Variants in TSPAN9 observed in about 807,000 individuals in gnomAD.
The protein encoded by TSPAN9 is tetraspanin-9.
TSPAN9 carries 16 observed loss-of-function variants against 31.0 expected under a neutral mutation model. The observed-to-expected ratio is 0.52, with a 90% CI of 0.35 to 0.78. The LOEUF (loss-of-function observed/expected upper bound fraction) is 0.78, where lower values mean the gene tolerates loss of function less well. Ranked by LOEUF, TSPAN9 falls within the 30% of genes least tolerant of loss-of-function variation. TSPAN9 has a pLI of 0.01. For synonymous variants in TSPAN9, 145 were observed against 121.6 expected (o/e 1.19, Z -1.27); for missense variants, 272 against 312.5 (o/e 0.87, Z 0.98).
At chr12:3,196,208 C>T (rs530656526) in intron 2 of TSPAN9, among the ~76,000 whole-genome samples, 1 of 152,170 alleles carries the variant, frequency 6.6e-6, no homozygotes, top group Non-Finnish European at 1.5e-5. Context: ...CCACCTTCCC[C>T]CTAAGATAGG....
chr12:3,201,072 G>C, intron 2 of TSPAN9, 105 bp from the exon 3 acceptor site: 2 of 1,119,372 alleles, frequency 1.8e-6, no homozygotes, highest in Non-Finnish European at 2.6e-6. Flanking sequence ...GGCTCCCGGG[G>C]CCAGAGCCGC....
intron 2 of TSPAN9, among the ~76,000 whole-genome samples, chr12:3,159,132 T>C (rs1040859452): frequency 1.3e-5 from 2 of 151,818 alleles, no homozygotes; most frequent in Non-Finnish European, 2.9e-5. Flanking sequence ...AAGTTTAAAG[T>C]TCTCTTACTT....
intron 2 of TSPAN9, among the ~76,000 whole-genome samples, chr12:3,095,248 GAA>G (rs1165219977): frequency 7.4e-6 from 1 of 135,540 alleles, no homozygotes; most frequent in Non-Finnish European, 1.6e-5. Context: ...AGAACAAAAT[GAA>G]AAGTCTCCCA....
At position 3,124,455 on chromosome 12, in the gene TSPAN9, GT is replaced by G. The variant is rs753705188; in HGVS notation, c.-18+40740del. 3.3e-5 allele frequency among the ~76,000 whole-genome samples: 5 copies of G among 151,144 alleles called. No homozygotes were observed. The East Asian group carries it at 9.7e-4, about 29-fold the overall frequency. ...ACATTCTTTTTTTTTTTTGGATGGA[GT>G]TTTGCTCTTGTTGCCCAGGCTGGAG... On this transcript the variant is annotated intron_variant, in intron 2 of 8. Coordinates refer to ENST00000011898, the MANE Select transcript of TSPAN9 (RefSeq NM_006675.5).
At chr12:3,177,685 A>C (rs146174250) in intron 2 of TSPAN9, among the ~76,000 whole-genome samples, 6,209 of 152,262 alleles carry the variant, frequency 0.041, 402 homozygotes, top group African/African-American at 0.14. Flanking sequence ...TGCCTGCCTC[A>C]GCCTCCCAAA....
chr12:3,095,399 C>T (rs1392700818), intron 2 of TSPAN9, among the ~76,000 whole-genome samples: 3 of 150,198 alleles, frequency 2.0e-5, no homozygotes, highest in African/African-American at 4.9e-5. Flanking sequence ...ACCTCCCAGA[C>T]GGGGTGGTGG....
chr12:3,153,017 G>T (rs532523680), intron 2 of TSPAN9, among the ~76,000 whole-genome samples: 2 of 152,362 alleles, frequency 1.3e-5, no homozygotes, highest in East Asian at 3.9e-4. Flanking sequence ...TGCTCAGTGC[G>T]AACGCTGAGC....
chr12:3,177,046 G>A (rs889164238), intron 2 of TSPAN9, among the ~76,000 whole-genome samples: 5 of 152,178 alleles, frequency 3.3e-5, no homozygotes, highest in African/African-American at 1.2e-4. Context: ...GGGAGGTGGT[G>A]GGACCCCCAG....
At chr12:3,137,226 G>A (rs1294625833) in intron 2 of TSPAN9, among the ~76,000 whole-genome samples, 1 of 152,206 alleles carries the variant, frequency 6.6e-6, no homozygotes, top group African/African-American at 2.4e-5. Flanking sequence ...ACCCTCTCTG[G>A]GGTGTGGACA....
intron 2 of TSPAN9, among the ~76,000 whole-genome samples, chr12:3,146,300 G>T (rs1271121374): frequency 6.6e-6 from 1 of 152,334 alleles, no homozygotes; most frequent in East Asian, 1.9e-4. Context: ...CTTCCCCTGG[G>T]TGTCTCAAGG....
At chr12:3,080,682 T>C (rs746354554) in intron 1 of TSPAN9, among the ~76,000 whole-genome samples, 1 of 152,216 alleles carries the variant, frequency 6.6e-6, no homozygotes, top group Non-Finnish European at 1.5e-5. Context: ...AAATGTACAG[T>C]TCAGTAGCAT....
At position 3,279,056 on chromosome 12, in the gene TSPAN9, A is replaced by T. The variant is rs747986348; in HGVS notation, c.320A>T (p.Tyr107Phe). The change falls in exon 5 of 9, where the codon TAC becomes TTC. Residue 107 changes from tyrosine (Y) to phenylalanine (F), a missense_variant. Tyr to Phe is a conservative substitution (Grantham distance 22, BLOSUM62 3). Coordinates refer to ENST00000011898, the MANE Select transcript of TSPAN9 (RefSeq NM_006675.5). ...ATCTTACTCATCCTCTTCTTTGTCT[A>T]CATGGACAAGGTAAGCCTTACCAGA... The part of the protein sequence containing the change: ...ELILLILFFV[Y>F]MDKVNENAKK... 34 of 1,614,030 alleles carry T rather than the reference A, an allele frequency of 2.1e-5. No homozygotes were observed. The South Asian group carries it at 3.4e-4, about 16-fold the overall frequency.
Position 3,170,814 on chromosome 12 carries a change from C to T in TSPAN9, c.-17-30363C>T, listed in dbSNP as rs1334199396. 6.6e-6 allele frequency among the ~76,000 whole-genome samples: 1 copy of T among 152,182 alleles called. No individual in the cohort carries two copies. The highest frequency in any genetic ancestry group is 1.5e-5 in the Non-Finnish European group (1 of 68,034). On this transcript the variant is annotated intron_variant, in intron 2 of 8. Transcript: ENST00000011898. The surrounding 1 kb of genome is among the most constrained non-coding windows in gnomAD (Gnocchi z 4.4). Reference sequence around the variant, plus strand: ...CTGAGGCTTCGAGGTCCACCATCACCTCGTTTTCTGCCGGGCAGGGACTCC... The same window carrying T: ...CTGAGGCTTCGAGGTCCACCATCACTTCGTTTTCTGCCGGGCAGGGACTCC...
chr12:3,207,740 C>T (rs1266889290), intron 3 of TSPAN9, among the ~76,000 whole-genome samples: 3 of 151,970 alleles, frequency 2.0e-5, no homozygotes, highest in African/African-American at 7.3e-5. Flanking sequence ...TAGCTCACTG[C>T]GTCAGGACCA....
chr12:3,090,756 T>G (rs1260419263), intron 2 of TSPAN9, among the ~76,000 whole-genome samples: 1 of 151,952 alleles, frequency 6.6e-6, no homozygotes, highest in Non-Finnish European at 1.5e-5. Flanking sequence ...GCATGAGGAA[T>G]AGACCCCACA....
chr12:3,199,785 C>T (rs1401151623), intron 2 of TSPAN9, among the ~76,000 whole-genome samples: 1 of 152,144 alleles, frequency 6.6e-6, no homozygotes, highest in Non-Finnish European at 1.5e-5. Context: ...AGGCCCCCGG[C>T]GCTTTCCGAT....
intron 2 of TSPAN9, among the ~76,000 whole-genome samples, chr12:3,162,444 G>A (rs908480656): frequency 9.2e-5 from 14 of 152,134 alleles, no homozygotes; most frequent in African/African-American, 3.4e-4. Context: ...TCATAGCAGG[G>A]GAGTGTCCCT....
chr12:3,102,062 G>A (rs1218597661), intron 2 of TSPAN9, among the ~76,000 whole-genome samples: 1 of 152,136 alleles, frequency 6.6e-6, no homozygotes, highest in Admixed American at 6.5e-5. Context: ...TCAGTTAGTA[G>A]TGGTGCTGGC....
chr12:3,276,517 C>G (rs983117775), intron 3 of TSPAN9, among the ~76,000 whole-genome samples: 2 of 152,216 alleles, frequency 1.3e-5, no homozygotes, highest in Non-Finnish European at 2.9e-5. Flanking sequence ...TTCTCTCTGT[C>G]TGGAACGTTC....
Sources: gnomAD v4.1 joint callset for allele counts (sites outside exome capture counted in the v4.1 genomes callset) on GRCh38, gnomAD v4.1.1 for gene constraint, Gnocchi (gnomAD v3.1) non-coding constraint, MANE v1.5 for transcripts, NCBI Gene and HGNC (gene_info 2026-07-23, HGNC 2026-07-21) for gene names.